Variants in LARP4 observed in about 807,000 individuals in gnomAD.
LARP4 encodes the protein la-related protein 4.
Under a neutral mutation model 92.9 loss-of-function variants are expected in LARP4, and 29 were observed. That is an observed-to-expected ratio of 0.31 (90% CI 0.23 to 0.43). The LOEUF (loss-of-function observed/expected upper bound fraction) is 0.43. LARP4 is among the 20% of genes least tolerant of loss of function. LARP4 has a pLI of 1.00. For missense variants in LARP4, 732 were observed against 860.0 expected (o/e 0.85, Z 1.86); for synonymous variants, 279 against 284.1 (o/e 0.98, Z 0.18).
Position 50,400,892 on chromosome 12 carries a change from T to C in LARP4, c.-119T>C. The stretch of plus-strand genomic sequence containing the variant: ...GGCTGACGGCAGGGGAGGAGCCGGG[T>C]CCACTGCCGGGTGGAGGGGCAAGGC... On this transcript the variant is annotated 5_prime_UTR_variant, in exon 1 of 16. Transcript: ENST00000398473. 7.2e-7 allele frequency: 1 copy of C among 1,380,338 alleles called. No homozygotes were observed. Among genetic ancestry groups the C allele is most frequent in the African/African-American group, 1.4e-5 (1 of 70,414 alleles). The allele number at this position is 1,380,338 out of a possible 1,614,324, so 85.5% of individuals were successfully genotyped here.
At position 50,435,524 on chromosome 12, in the gene LARP4, A is replaced by T. The variant is rs1031276191; in HGVS notation, c.435A>T (p.Gln145His). 6.3e-7 allele frequency: 1 copy of T among 1,581,542 alleles called. No individual in the cohort carries two copies. Among genetic ancestry groups the T allele is most frequent in the African/African-American group, 1.3e-5 (1 of 74,532 alleles). ...NLSKDLYLIS[Q>H]MDSDQFIPIW... ...CAAAGGATCTTTACTTGATATCTCA[A>T]ATGGATAGTGATCAGTTCATCCCAA... Residue 145 changes from glutamine (Q) to histidine (H), a missense_variant, in exon 5 of 16, where the codon CAA (glutamine) becomes CAT (histidine). Gln to His is a conservative substitution (Grantham distance 24, BLOSUM62 0). This residue lies in a region of LARP4 where 236 missense variants were observed against 307.6 expected (regional missense o/e 0.77). Coordinates refer to ENST00000398473, the MANE Select transcript of LARP4 (RefSeq NM_052879.5).
At chr12:50,455,981 A>G (rs969148016) in intron 10 of LARP4, among the ~76,000 whole-genome samples, 2 of 151,882 alleles carry the variant, frequency 1.3e-5, no homozygotes, top group Non-Finnish European at 2.9e-5. Context: ...GAGCCTGAGA[A>G]GCACAGGTTG....
intron 4 of LARP4, among the ~76,000 whole-genome samples, chr12:50,433,049 G>A (rs972744506): frequency 2.0e-5 from 3 of 151,800 alleles, no homozygotes; most frequent in Non-Finnish European, 2.9e-5. Context: ...CAGCTGTATT[G>A]GTGGCTCCCA....
intron 10 of LARP4, among the ~76,000 whole-genome samples, chr12:50,456,083 TC>T (rs1216914882): frequency 4.0e-5 from 6 of 151,470 alleles, no homozygotes; most frequent in Non-Finnish European, 5.9e-5. Context: ...CCCTCCCCGC[TC>T]CCCCCTCCAA....
chr12:50,447,634 T>C (rs1247543238), intron 8 of LARP4, among the ~76,000 whole-genome samples: 1 of 152,158 alleles, frequency 6.6e-6, no homozygotes, highest in African/African-American at 2.4e-5. Flanking sequence ...TGGAGTACAG[T>C]GTGCGTGATC....
At chr12:50,407,237 G>A (rs1182801102) in intron 1 of LARP4, among the ~76,000 whole-genome samples, 1 of 151,332 alleles carries the variant, frequency 6.6e-6, no homozygotes, top group African/African-American at 2.4e-5. Context: ...TATTGGTCAG[G>A]CTGGTCTCGA....
chr12:50,471,129 A>G (rs1191057287), intron 13 of LARP4, among the ~76,000 whole-genome samples: 1 of 152,190 alleles, frequency 6.6e-6, no homozygotes. Context: ...ATCTCTAAAA[A>G]AATAATAATT....
intron 8 of LARP4, among the ~76,000 whole-genome samples, chr12:50,451,191 T>C (rs1429994489): frequency 6.6e-6 from 1 of 152,198 alleles, no homozygotes; most frequent in African/African-American, 2.4e-5. Flanking sequence ...ACACAAACTT[T>C]ATACCCTATG....
chr12:50,468,059 A>C (rs548415684), intron 13 of LARP4, among the ~76,000 whole-genome samples: 1 of 151,786 alleles, frequency 6.6e-6, no homozygotes, highest in East Asian at 1.9e-4. Context: ...TGCTCACTGC[A>C]ACCTCCACCT....
In LARP4 at chr12:50,441,575, G is replaced by A; in HGVS notation, c.751-15G>A. 1 of 1,563,140 alleles carries A rather than the reference G, an allele frequency of 6.4e-7. No individual in the cohort carries two copies. The highest frequency in any genetic ancestry group is 8.7e-7 in the Non-Finnish European group (1 of 1,153,624). On this transcript the variant is annotated splice_polypyrimidine_tract_variant and intron_variant, in intron 7 of 15. Coordinates refer to ENST00000398473, the MANE Select transcript of LARP4 (RefSeq NM_052879.5). Reference sequence around the variant, plus strand: ...TTGAATGCTAATGAAAGTTTTTTTTGTGCTTTGTTAACAGGCTTTTAAATA... The same window carrying A: ...TTGAATGCTAATGAAAGTTTTTTTTATGCTTTGTTAACAGGCTTTTAAATA...
At chr12:50,450,833 A>G (rs1321751181) in intron 8 of LARP4, among the ~76,000 whole-genome samples, 1 of 151,964 alleles carries the variant, frequency 6.6e-6, no homozygotes. Context: ...TTTTGACTTA[A>G]TAGTGTATTC....
chr12:50,427,296 T>A lies in LARP4; in HGVS notation c.19-466T>A, dbSNP rs1376604867. On this transcript the variant is annotated intron_variant, in intron 1 of 15. Coordinates refer to ENST00000398473, the MANE Select transcript of LARP4 (RefSeq NM_052879.5). ...GTAGATGAAAAAATACACAAGTGTC[T>A]CAAAAGTTATGTAAATAGTTTAAAT... 5.3e-5 allele frequency among the ~76,000 whole-genome samples: 8 copies of A among 152,104 alleles called. No homozygotes were observed. In the Middle Eastern group the frequency reaches 0.01, roughly 194 times the overall value.
At position 50,467,072 on chromosome 12, in the gene LARP4, T is replaced by A. The variant is rs539843805; in HGVS notation, c.1497T>A (p.Val499=). Residue 499 remains valine (V), a synonymous_variant, in exon 13 of 16, where the codon GTT becomes GTA. Transcript: ENST00000398473. ...CATCAAGAATGCCAGGTGAACTCGT[T>A]TTGGAGAATAGGATGTCTGATGTTG... The part of the protein sequence containing the change: ...GSSSRMPGEL[V]LENRMSDVVK... 1 of 1,613,632 alleles carries A rather than the reference T, an allele frequency of 6.2e-7. No individual in the cohort carries two copies. The highest frequency in any genetic ancestry group is 8.5e-7 in the Non-Finnish European group (1 of 1,179,644).
intron 1 of LARP4, among the ~76,000 whole-genome samples, chr12:50,427,124 T>C (rs1948916931): frequency 6.6e-6 from 1 of 152,058 alleles, no homozygotes; most frequent in Non-Finnish European, 1.5e-5. Flanking sequence ...TGGAAAAAAA[T>C]TTACAATATA....
intron 8 of LARP4, among the ~76,000 whole-genome samples, chr12:50,446,293 A>G (rs1182131739): frequency 1.7e-5 from 2 of 120,014 alleles, no homozygotes; most frequent in African/African-American, 6.6e-5. Context: ...GGTGTGAGCC[A>G]CCGCGCCTGA....
intron 1 of LARP4, among the ~76,000 whole-genome samples, chr12:50,409,938 A>T (rs889918470): frequency 4.0e-5 from 6 of 151,806 alleles, no homozygotes; most frequent in Non-Finnish European, 7.4e-5. Flanking sequence ...GATTACACAC[A>T]GGTACCACCA....
chr12:50,402,946 T>G, intron 1 of LARP4: 1 of 378,834 alleles, frequency 2.6e-6, no homozygotes, highest in Non-Finnish European at 5.2e-6. Flanking sequence ...TAACTGTCTT[T>G]AAATATTTGG....
intron 1 of LARP4, among the ~76,000 whole-genome samples, chr12:50,415,362 G>C (rs1187532843): frequency 6.6e-6 from 1 of 152,018 alleles, no homozygotes; most frequent in South Asian, 2.1e-4. Context: ...AATTATCAGG[G>C]ACACATCAGA....
At chr12:50,424,481 C>T (rs948359783) in intron 1 of LARP4, among the ~76,000 whole-genome samples, 3 of 151,940 alleles carry the variant, frequency 2.0e-5, no homozygotes, top group African/African-American at 4.8e-5. Flanking sequence ...GCCTCAGCCT[C>T]CCCAGTAGCT....
Sources: allele counts gnomAD v4.1 joint callset (sites outside exome capture counted in the v4.1 genomes callset), GRCh38; gene constraint gnomAD v4.1.1; regional missense constraint gnomAD v4.1.1; transcripts MANE v1.5; gene names NCBI Gene and HGNC (gene_info 2026-07-23, HGNC 2026-07-21).